The following ATP10B variants were observed in gnomAD, a reference collection of about 807,000 sequenced individuals.
ATP10B encodes ATPase phospholipid transporting 10B (putative).
Under a neutral mutation model 141.2 loss-of-function variants are expected in ATP10B, and 122 were observed. The observed-to-expected ratio is 0.86, with a 90% CI of 0.75 to 1.00. The LOEUF (loss-of-function observed/expected upper bound fraction) is 1.00, where lower values mean the gene tolerates loss of function less well. Ranked by LOEUF, ATP10B falls within the 50% of genes least tolerant of loss-of-function variation. The pLI is 0.00. For synonymous variants in ATP10B, 685 were observed against 692.0 expected (o/e 0.99, Z 0.16); for missense variants, 1,876 against 1,825.3 (o/e 1.03, Z -0.51).
At position 160,771,760 on chromosome 5, in the gene ATP10B, T is replaced by C. The variant is rs1017061424; in HGVS notation, c.-331+13799A>G. Among the ~76,000 whole-genome samples, 13 of 152,220 alleles carry C rather than the reference T, an allele frequency of 8.5e-5. 1 individual carries two copies. The highest frequency in any genetic ancestry group is 7.9e-4 in the Admixed American group (12 of 15,284). ...AGCTCTCTGTCCCATCTTGCTTTGA[T>C]CCAAGCCAGAGTTGGTAAGAAAAAT... On this transcript the variant is annotated intron_variant, in intron 2 of 25. Transcript: ENST00000327245.
At chr5:160,859,932 T>C in the ATP10B span, among the ~76,000 whole-genome samples, 1 of 151,976 alleles carries the variant, frequency 6.6e-6, no homozygotes, top group Non-Finnish European at 1.5e-5. Context: ...CATTTTGTGA[T>C]GTCAACTCTA....
At chr5:160,840,997 T>C (rs1775778596) in intron 1 of ATP10B, among the ~76,000 whole-genome samples, 2 of 152,122 alleles carry the variant, frequency 1.3e-5, no homozygotes, top group Admixed American at 1.3e-4. Flanking sequence ...GCATGCAGAT[T>C]GGTTGGAATG....
intron 2 of ATP10B, among the ~76,000 whole-genome samples, chr5:160,718,499 A>C (rs1765788189): frequency 6.6e-6 from 1 of 152,186 alleles, no homozygotes; most frequent in Admixed American, 6.5e-5. Context: ...AAAGAAAAGA[A>C]GTTTATTTAG....
chr5:160,879,614 G>T, the ATP10B span, among the ~76,000 whole-genome samples: 1 of 151,750 alleles, frequency 6.6e-6, no homozygotes, highest in Non-Finnish European at 1.5e-5. Context: ...CAAGGTGGGT[G>T]GACGGTGAGG....
In ATP10B at chr5:160,620,821, C is replaced by T. The variant is rs188580726; in HGVS notation, c.1942G>A (p.Gly648Arg). The change falls in exon 15 of 26, where the codon GGG becomes AGG. Residue 648 changes from glycine to arginine, a missense_variant. Physicochemically the swap from Gly to Arg is moderately radical, Grantham distance 125 (BLOSUM62 -2). Transcript: ENST00000327245. ...SSTAPSDTDL[G>R]ESLGANVATT... ...GCCACGTTGGCCCCTAAGCTCTCCC[C>T]GAGGTCTGTGTCAGAGGGTGCAGTG... 2,652 of 1,614,152 alleles carry T rather than the reference C, an allele frequency of 1.6e-3. 29 individuals carry two copies. The African/African-American group carries it at 0.022, about 13-fold the overall frequency.
At chr5:160,725,453 T>C (rs758478469) in intron 2 of ATP10B, among the ~76,000 whole-genome samples, 21 of 151,848 alleles carry the variant, frequency 1.4e-4, no homozygotes, top group Non-Finnish European at 2.8e-4. Flanking sequence ...AGGCTTACGA[T>C]GGGATTTTTT....
chr5:160,575,243 A>G (rs943813598), intron 24 of ATP10B, among the ~76,000 whole-genome samples: 2 of 152,192 alleles, frequency 1.3e-5, no homozygotes, highest in African/African-American at 4.8e-5. Context: ...TTGTTAATTG[A>G]TCCAATAATG....
intron 2 of ATP10B, among the ~76,000 whole-genome samples, chr5:160,764,863 T>C (rs1769292207): frequency 1.3e-5 from 2 of 152,158 alleles, no homozygotes; most frequent in African/African-American, 4.8e-5. Context: ...TTCAGTAAAC[T>C]TTCAGGATAC....
At chr5:160,834,082 T>C (rs1393083700) in intron 1 of ATP10B, among the ~76,000 whole-genome samples, 2 of 152,034 alleles carry the variant, frequency 1.3e-5, no homozygotes, top group Admixed American at 6.6e-5. Context: ...TCCAGTTCTT[T>C]GGGAGGCTGA....
At chr5:160,577,972 A>G (rs1259829155) in intron 24 of ATP10B, among the ~76,000 whole-genome samples, 1 of 152,072 alleles carries the variant, frequency 6.6e-6, no homozygotes, top group East Asian at 1.9e-4. Flanking sequence ...GATCTATACC[A>G]GTTTCTTATA....
chr5:160,666,406 C>A (rs893084125), intron 7 of ATP10B, among the ~76,000 whole-genome samples: 1 of 152,070 alleles, frequency 6.6e-6, no homozygotes, highest in Non-Finnish European at 1.5e-5. Context: ...TTAGTGGTAG[C>A]CCACCCCTCC....
intron 9 of ATP10B, among the ~76,000 whole-genome samples, chr5:160,640,997 G>A (rs1049379311): frequency 7.2e-5 from 11 of 152,314 alleles, no homozygotes; most frequent in Admixed American, 5.9e-4. Context: ...TGTTCCACCT[G>A]TTATGGGCTA....
chr5:160,752,180 T>C (rs1421848225), intron 2 of ATP10B, among the ~76,000 whole-genome samples: 3 of 151,494 alleles, frequency 2.0e-5, no homozygotes, highest in African/African-American at 7.3e-5. Flanking sequence ...CTACTTTTTT[T>C]TTTTTTTTTT....
intron 1 of ATP10B, among the ~76,000 whole-genome samples, chr5:160,816,458 G>A (rs2127954853): frequency 6.6e-6 from 1 of 152,156 alleles, no homozygotes; most frequent in South Asian, 2.1e-4. Context: ...CCAGGAAGAA[G>A]TTGAATCTCT....
At chr5:160,604,377 G>A (rs1470165502) in intron 19 of ATP10B, among the ~76,000 whole-genome samples, 4 of 152,128 alleles carry the variant, frequency 2.6e-5, no homozygotes, top group African/African-American at 9.7e-5. Flanking sequence ...CTTTACTGAT[G>A]AGCAAATGGA....
intron 24 of ATP10B, among the ~76,000 whole-genome samples, chr5:160,581,159 CTCTGA>C (rs1185667252): frequency 3.9e-5 from 6 of 152,066 alleles, no homozygotes; most frequent in Non-Finnish European, 7.4e-5. Flanking sequence ...TTCAGTTCTG[CTCTGA>C]TCTTAGTTAT....
Position 160,814,087 on chromosome 5 carries a change from C to T in ATP10B, c.-575-28284G>A, listed in dbSNP as rs548115344. ...AAAAATCAGAGCACCTCTCCTCCTT[C>T]GAAGGAACGCAGCTCTTCACCAGAA... On this transcript the variant is annotated intron_variant, in intron 1 of 25. Coordinates refer to ENST00000327245, the MANE Select transcript of ATP10B (RefSeq NM_025153.3). Among the ~76,000 whole-genome samples, 173 of 152,288 alleles carry T rather than the reference C, an allele frequency of 1.1e-3. 1 individual carries two copies. The highest frequency in any genetic ancestry group is 3.8e-3 in the African/African-American group (159 of 41,562).
At chr5:160,888,189 T>C in the ATP10B span, among the ~76,000 whole-genome samples, 1 of 152,204 alleles carries the variant, frequency 6.6e-6, no homozygotes, top group African/African-American at 2.4e-5. Flanking sequence ...GGGCATACAC[T>C]ACCATAAATA....
chr5:160,759,152 C>A (rs1385821726), intron 2 of ATP10B, among the ~76,000 whole-genome samples: 1 of 152,102 alleles, frequency 6.6e-6, no homozygotes, highest in African/African-American at 2.4e-5. Flanking sequence ...CTTTCTGGGC[C>A]CTTTCAGATT....
Sources: gnomAD v4.1 joint callset for allele counts (sites outside exome capture counted in the v4.1 genomes callset) on GRCh38, gnomAD v4.1.1 for gene constraint, MANE v1.5 for transcripts, NCBI Gene and HGNC (gene_info 2026-07-23, HGNC 2026-07-21) for gene names.